The following DNMT1 variants were observed in gnomAD, a reference collection of about 807,000 sequenced individuals.
DNMT1 encodes the protein DNA methyltransferase 1.
In DNMT1, 24 loss-of-function variants were observed where a neutral mutation model predicts 205.3. The observed-to-expected ratio is 0.12, with a 90% CI of 0.08 to 0.16. The LOEUF (loss-of-function observed/expected upper bound fraction) is 0.16. Ranked by LOEUF, DNMT1 falls within the 10% of genes least tolerant of loss-of-function variation. The probability of loss-of-function intolerance (pLI) is 1.00; values close to 1 mark genes in which losing one functional copy is unlikely to be tolerated. For synonymous variants in DNMT1, 817 were observed against 839.8 expected, an observed-to-expected ratio of 0.97 and a Z score of 0.47; for missense variants, 1,293 against 2,177.7, an observed-to-expected ratio of 0.59 and a Z score of 8.09.
intron 6 of DNMT1, 126 bp from the exon 7 acceptor site, chr19:10,175,744 G>T (rs953708704): frequency 5.5e-6 from 5 of 916,844 alleles, no homozygotes; most frequent in Non-Finnish European, 8.8e-6. Flanking sequence ...CTGAATGACG[G>T]GTTTAGAATG....
rs151154163 is a variant in DNMT1 at position 10,182,083 on chromosome 19, A to C, written c.81-6T>G. ...CTCTTTCCAAATCTTTGAGCCTGGG[A>C]GGAAGAAATAGGGGAGAAAATACAA... On this transcript the variant is annotated splice_polypyrimidine_tract_variant and splice_region_variant and intron_variant, in intron 1 of 40. Coordinates refer to ENST00000359526, the MANE Select transcript of DNMT1 (RefSeq NM_001130823.3). The C allele has an allele frequency of 1.2e-6, 2 of 1,612,836 alleles. No homozygotes were observed. Among genetic ancestry groups the C allele is most frequent in the African/African-American group, 2.7e-5 (2 of 74,892 alleles).
intron 39 of DNMT1, chr19:10,135,371 A>G: frequency 5.7e-6 from 2 of 348,914 alleles, no homozygotes; most frequent in Middle Eastern, 1.0e-3. Flanking sequence ...CTCATAGACT[A>G]ACTTGTTAAG....
intron 39 of DNMT1, chr19:10,135,485 G>A (rs968657400): frequency 3.0e-5 from 16 of 536,358 alleles, no homozygotes; most frequent in African/African-American, 9.5e-5. Flanking sequence ...CTCCTTTAGC[G>A]CGACGGACTG....
intron 8 of DNMT1, among the ~76,000 whole-genome samples, chr19:10,173,549 T>C (rs868339025): frequency 4.6e-5 from 7 of 151,202 alleles, no homozygotes; most frequent in Non-Finnish European, 7.4e-5. Context: ...TGGAGTGCAG[T>C]GGAATGATCT....
At position 10,137,659 on chromosome 19, in the gene DNMT1, C is replaced by T. The variant is rs968472988; in HGVS notation, c.4293+173G>A. On this transcript the variant is annotated intron_variant, in intron 36 of 40. Transcript: ENST00000359526. The surrounding 1 kb of genome is among the most constrained non-coding windows in gnomAD (Gnocchi z 6.4). ...AAGTCCAGGACTGCGGGAGCTCTGA[C>T]ACTTCCCATGACCATGCAAGAGAGA... 84 of 948,790 alleles carry T rather than the reference C, an allele frequency of 8.9e-5. No homozygotes were observed. The African/African-American group carries it at 1.2e-3, about 13-fold the overall frequency. The allele number at this position is 948,790 out of a possible 1,614,324, so 58.8% of individuals were successfully genotyped here.
chr19:10,161,253 C>T (rs939253683), intron 13 of DNMT1, among the ~76,000 whole-genome samples: 4 of 152,026 alleles, frequency 2.6e-5, no homozygotes, highest in Non-Finnish European at 5.9e-5. Context: ...TGCAGTGAGC[C>T]GATGTCGCAC....
Position 10,168,183 on chromosome 19 carries a change from G to T in DNMT1, c.803+147C>A, listed in dbSNP as rs142253360. ...TAACTTCAGCCTTCACTTCAGGGTG[G>T]TCTCACCTTTCACAAGCAGAACTTG... On this transcript the variant is annotated intron_variant, in intron 10 of 40. Coordinates refer to ENST00000359526, the MANE Select transcript of DNMT1 (RefSeq NM_001130823.3). 5,954 of 819,974 alleles carry T rather than the reference G, an allele frequency of 7.3e-3. 26 individuals carry two copies. The highest frequency in any genetic ancestry group is 0.012 in the Middle Eastern group (52 of 4,492). The allele number at this position is 819,974 out of a possible 1,614,324, so 50.8% of individuals were successfully genotyped here.
At chr19:10,181,308 G>C (rs8108925) in intron 2 of DNMT1, among the ~76,000 whole-genome samples, 19,919 of 151,884 alleles carry the variant, frequency 0.13, 1,880 homozygotes, top group East Asian at 0.4. Context: ...AAATTAGCTG[G>C]GCATGGTGGC....
chr19:10,151,329 G>A lies in DNMT1; in HGVS notation c.2265+69C>T, dbSNP rs934345680. 1.1e-5 allele frequency: 17 copies of A among 1,599,916 alleles called. No homozygotes were observed. The highest frequency in any genetic ancestry group is 2.2e-4 in the Middle Eastern group (1 of 4,630). ...AGGCTGCCTGAGAGGTCAGGTTGGC[G>A]AGATACTAGAGGGCAACCTGCTTAT... is the stretch of plus-strand genomic sequence containing the variant. On this transcript the variant is annotated intron_variant, in intron 24 of 40. Transcript: ENST00000359526. This position sits in a 1 kb window ranked among gnomAD's most constrained non-coding sequence, Gnocchi z 5.0.
chr19:10,162,837 C>G, intron 12 of DNMT1, 89 bp from the exon 13 acceptor site: 1 of 1,415,816 alleles, frequency 7.1e-7, no homozygotes, highest in Admixed American at 1.7e-5. Flanking sequence ...ACTAATGCCT[C>G]CCCATGGGAA....
intron 34 of DNMT1, among the ~76,000 whole-genome samples, 165 bp downstream of exon 34, chr19:10,139,511 C>G (rs534588023): frequency 1.3e-5 from 2 of 152,368 alleles, no homozygotes; most frequent in South Asian, 4.1e-4. Context: ...CGGCTGAGCA[C>G]GCATCTCCCC....
At position 10,194,809 on chromosome 19, in the gene DNMT1, A is replaced by G. The variant is rs368945230; in HGVS notation, c.80+11T>C. The G allele has an allele frequency of 1.0e-4, 163 of 1,595,020 alleles. No individual in the cohort carries two copies. The highest frequency in any genetic ancestry group is 2.5e-4 in the Admixed American group (15 of 59,290). On this transcript the variant is annotated intron_variant, in intron 1 of 40. Coordinates refer to ENST00000359526, the MANE Select transcript of DNMT1 (RefSeq NM_001130823.3). ...TCCCCCTGAGTCCGTGTTCCCCCCC[A>G]TGGTACCTACCGCCTGCGGACATCG...
At chr19:10,136,415 C>T in intron 37 of DNMT1, 128 bp from the exon 38 acceptor site, 1 of 1,148,190 alleles carries the variant, frequency 8.7e-7, no homozygotes, top group East Asian at 2.5e-5. Context: ...GTGGAGCAGC[C>T]AACAATCCTC....
intron 39 of DNMT1, 103 bp from the exon 40 acceptor site, chr19:10,134,410 A>G (rs1219604554): frequency 1.9e-6 from 2 of 1,058,528 alleles, no homozygotes; most frequent in South Asian, 1.4e-5. Flanking sequence ...CAACCTGGGC[A>G]TTGCACCCCT....
Position 10,159,631 on chromosome 19 carries a change from C to T in DNMT1, c.1280+27G>A. On this transcript the variant is annotated intron_variant, in intron 17 of 40. Coordinates refer to ENST00000359526, the MANE Select transcript of DNMT1 (RefSeq NM_001130823.3). The surrounding 1 kb of genome is among the most constrained non-coding windows in gnomAD (Gnocchi z 5.0). ...TGGGGATGTGCCTCCTTCCACGAAGCAAACATGCACACGAAAGTGCACTTA... is the reference window on the plus strand; with the variant it reads ...TGGGGATGTGCCTCCTTCCACGAAGTAAACATGCACACGAAAGTGCACTTA... 6.2e-7 allele frequency: 1 copy of T among 1,612,278 alleles called. No homozygotes were observed. Among genetic ancestry groups the T allele is most frequent in the Non-Finnish European group, 8.5e-7 (1 of 1,178,362 alleles).
intron 12 of DNMT1, 60 bp downstream of exon 12, chr19:10,163,266 C>T (rs2038617791): frequency 4.4e-6 from 7 of 1,595,784 alleles, no homozygotes; most frequent in Non-Finnish European, 6.0e-6. Flanking sequence ...CACACCTGGC[C>T]TAGAACAGGC....
Position 10,151,427 on chromosome 19 carries a change from G to A in DNMT1, c.2236C>T (p.Arg746Cys). The A allele has an allele frequency of 6.2e-7, 1 of 1,613,988 alleles. No individual in the cohort carries two copies. The highest frequency in any genetic ancestry group is 8.5e-7 in the Non-Finnish European group (1 of 1,180,024). The part of the protein sequence containing the change: ...QGKKKKQNKN[R>C]ISWVGEAVKT... The stretch of plus-strand genomic sequence containing the variant: ...ACGGCTTCTCCGACCCAAGAGATGC[G>A]ATTCTTGTTCTGTTTCTTCTTCTTC... The change falls in exon 24 of 41, where the codon CGC becomes TGC. Residue 746 changes from arginine to cysteine, a missense_variant. Physicochemically the swap from Arg to Cys is radical, Grantham distance 180. Transcript: ENST00000359526. This position sits in a 1 kb window ranked among gnomAD's most constrained non-coding sequence, Gnocchi z 5.0.
At chr19:10,166,419 C>A (rs996259116) in intron 11 of DNMT1, among the ~76,000 whole-genome samples, 179 bp downstream of exon 11, 1 of 152,106 alleles carries the variant, frequency 6.6e-6, no homozygotes, top group African/African-American at 2.4e-5. Flanking sequence ...AGGCATCCAG[C>A]CACAAATCCC....
intron 1 of DNMT1, chr19:10,184,225 A>C (rs948608059): frequency 1.3e-5 from 2 of 152,298 alleles, no homozygotes; most frequent in Non-Finnish European, 2.9e-5. Flanking sequence ...CACTGTGGGG[A>C]ACAGCCAGCT....
Sources: gnomAD v4.1 joint callset for allele counts (sites outside exome capture counted in the v4.1 genomes callset) on GRCh38, gnomAD v4.1.1 for gene constraint, Gnocchi (gnomAD v3.1) non-coding constraint, MANE v1.5 for transcripts, NCBI Gene and HGNC (gene_info 2026-07-23, HGNC 2026-07-21) for gene names.